The following ZNF182 variants were observed in gnomAD, a reference collection of about 807,000 sequenced individuals.
ZNF182 encodes the protein zinc finger protein 182.
In ZNF182, 10 loss-of-function variants were observed where a neutral mutation model predicts 28.1. The ratio of observed to expected loss-of-function variants is 0.36; its 90% CI spans 0.22 to 0.60. The LOEUF is 0.60. Ranked by LOEUF, ZNF182 falls within the 20% of genes least tolerant of loss-of-function variation. The pLI is 0.75. For missense variants in ZNF182, 352 were observed against 453.2 expected (o/e 0.78, Z 2.03); for synonymous variants, 156 against 158.7 (o/e 0.98, Z 0.13).
intron 3 of ZNF182, among the ~76,000 whole-genome samples, chrX:47,997,800 G>T (rs1388774400): frequency 9.0e-6 from 1 of 110,822 alleles, no homozygotes; most frequent in Non-Finnish European, 1.9e-5. Flanking sequence ...TCAAAAAAAA[G>T]AATTAATTAA....
At chrX:47,982,838 G>C (rs1217755497) in intron 5 of ZNF182, 111 bp downstream of exon 5, 2 of 713,980 alleles carry the variant, frequency 2.8e-6, no homozygotes, top group African/African-American at 4.2e-5. Context: ...ACAGTGCCAA[G>C]GGCCAGAACC....
chrX:47,990,790 AC>A (rs1310418763), intron 3 of ZNF182, among the ~76,000 whole-genome samples: 1 of 112,050 alleles, frequency 8.9e-6, no homozygotes, highest in African/African-American at 3.2e-5. Context: ...TGACAGCATG[AC>A]CTTGTTAAGC....
chrX:47,992,579 C>A (rs934049247), intron 3 of ZNF182, among the ~76,000 whole-genome samples: 1 of 111,057 alleles, frequency 9.0e-6, no homozygotes, highest in Non-Finnish European at 1.9e-5. Flanking sequence ...AGGCTTCACC[C>A]CACAGGTCTG....
intron 5 of ZNF182, among the ~76,000 whole-genome samples, chrX:47,979,095 T>C (rs937153814): frequency 4.5e-5 from 5 of 112,095 alleles, no homozygotes; most frequent in Non-Finnish European, 7.5e-5. Flanking sequence ...TTCTTACTTT[T>C]CCCCAAATTT....
chrX:47,997,943 CTT>C (rs1277454054), intron 3 of ZNF182, among the ~76,000 whole-genome samples: 1 of 111,815 alleles, frequency 8.9e-6, no homozygotes, highest in African/African-American at 3.3e-5. Context: ...ACTCAATACT[CTT>C]TTCTCAGTAA....
In ZNF182 at chrX:48,003,507, C is replaced by T. The variant is rs1556902166; in HGVS notation, c.-45+1G>A. 8.9e-6 allele frequency: 1 copy of T among 111,844 alleles called. No individual in the cohort carries two copies. The highest frequency in any genetic ancestry group is 1.9e-5 in the Non-Finnish European group (1 of 53,164). 9.2% of individuals were successfully genotyped at this position (111,844 alleles called of 1,213,427 possible). A position where few individuals can be genotyped will look rare whatever the true frequency, so the allele number is the denominator to read the frequency against. On this transcript the variant is annotated splice_donor_variant, in intron 2 of 5. Transcript: ENST00000376943. LOFTEE classifies it low-confidence loss of function (5UTR_SPLICE). ...AGGTGCCTCTCCTTCCTTCTGCTCA[C>T]CTCACCGGGGCCGCCTTGCCCAGAA...
Position 47,976,812 on chromosome X carries a change from T to C in ZNF182, c.1218A>G (p.Thr406=). The change falls in exon 6 of 6, where the codon ACA becomes ACG. Residue 406 remains threonine (T), a synonymous_variant. Transcript: ENST00000376943. Reference sequence around the variant, plus strand: ...CATCACATTCATAGGGTTTCTCTCCTGTATGAGTTCTTTGATGCACAATGA... The same window carrying C: ...CATCACATTCATAGGGTTTCTCTCCCGTATGAGTTCTTTGATGCACAATGA... The part of the protein sequence containing the change: ...STLIVHQRTH[T]GEKPYECDVC... 1 of 1,210,698 alleles carries C rather than the reference T, an allele frequency of 8.3e-7. No homozygotes were observed. Among genetic ancestry groups the C allele is most frequent in the Non-Finnish European group, 1.1e-6 (1 of 895,076 alleles).
intron 3 of ZNF182, among the ~76,000 whole-genome samples, chrX:47,993,768 A>G (rs886116858): frequency 8.9e-6 from 1 of 111,777 alleles, no homozygotes; most frequent in Non-Finnish European, 1.9e-5. Context: ...TCAATAGTTT[A>G]GTGGTGATGA....
chrX:47,990,828 C>T (rs2146467514), intron 3 of ZNF182, among the ~76,000 whole-genome samples: 1 of 111,683 alleles, frequency 9.0e-6, no homozygotes, highest in South Asian at 3.8e-4. Flanking sequence ...TTGGCAAGTC[C>T]TGTTAAAAAT....
rs1230662541 is a variant in ZNF182 at position 47,976,105 on chromosome X, A to G, written c.*62T>C. 1.3e-5 allele frequency: 13 copies of G among 1,019,355 alleles called. No individual in the cohort carries two copies. In the Admixed American group the frequency reaches 4.6e-4, roughly 36 times the overall value. The allele number at this position is 1,019,355 out of a possible 1,213,427, so 84.0% of individuals were successfully genotyped here. ...CCACAAGTCAAAATATACTTTTAAA[A>G]TGTGAGTAAAATTGACACAACTTTC... On this transcript the variant is annotated 3_prime_UTR_variant, in exon 6 of 6. Coordinates refer to ENST00000376943, the MANE Select transcript of ZNF182 (RefSeq NM_001007088.2).
chrX:47,991,922 G>A (rs982785477), intron 3 of ZNF182, among the ~76,000 whole-genome samples: 2 of 111,625 alleles, frequency 1.8e-5, no homozygotes, highest in Non-Finnish European at 3.8e-5. Flanking sequence ...ACCAGCAAAG[G>A]AGATTAATCT....
intron 3 of ZNF182, among the ~76,000 whole-genome samples, chrX:47,999,331 G>A: frequency 1.0e-5 from 1 of 100,399 alleles, no homozygotes; most frequent in Non-Finnish European, 2.0e-5. Context: ...AATGAGCCAA[G>A]CAGCCTGGGT....
chrX:47,978,629 G>T (rs1263828262), intron 5 of ZNF182, among the ~76,000 whole-genome samples: 2 of 112,047 alleles, frequency 1.8e-5, no homozygotes, highest in Non-Finnish European at 3.8e-5. Flanking sequence ...CTGCCTATAC[G>T]ATTTCCACTA....
chrX:47,998,872 A>G (rs989242793), intron 3 of ZNF182, among the ~76,000 whole-genome samples: 37 of 110,513 alleles, frequency 3.3e-4, no homozygotes, highest in Admixed American at 2.5e-3. Context: ...AAAAAAAAAA[A>G]AGAATCACCA....
Position 47,975,790 on chromosome X carries a change from G to A in ZNF182, c.*377C>T, listed in dbSNP as rs908238866. ...AACATCCTACCTCCTACCTGCCCACGCACTGTTACCACTGTTATATCTATG... is the reference window on the plus strand; with the variant it reads ...AACATCCTACCTCCTACCTGCCCACACACTGTTACCACTGTTATATCTATG... On this transcript the variant is annotated 3_prime_UTR_variant, in exon 6 of 6. Coordinates refer to ENST00000376943, the MANE Select transcript of ZNF182 (RefSeq NM_001007088.2). The A allele has an allele frequency of 4.6e-5, 6 of 131,095 alleles. No homozygotes were observed. The highest frequency in any genetic ancestry group is 4.3e-4 in the East Asian group (2 of 4,653). 10.8% of individuals were successfully genotyped at this position (131,095 alleles called of 1,213,427 possible).
At chrX:47,995,070 G>A (rs1295404192) in intron 3 of ZNF182, among the ~76,000 whole-genome samples, 3 of 108,628 alleles carry the variant, frequency 2.8e-5, no homozygotes, top group East Asian at 3.0e-4. Context: ...GGTGGCTCAC[G>A]CCTGTAATCC....
chrX:47,983,396 C>T lies in ZNF182; in HGVS notation c.31G>A (p.Glu11Lys). MAKPQGLVTFEDVAVDFTQEE... is the reference protein window; with the variant it reads MAKPQGLVTFKDVAVDFTQEE... ...TGGGTGAAATCCACAGCTACATCTT[C>T]AAATGTCACTAGCCCCTGTAATGGT... Residue 11 changes from glutamate to lysine, a missense_variant, in exon 4 of 6, where the codon GAA becomes AAA. Coordinates refer to ENST00000376943, the MANE Select transcript of ZNF182 (RefSeq NM_001007088.2). The T allele has an allele frequency of 8.3e-7, 1 of 1,208,995 alleles. No individual in the cohort carries two copies. The highest frequency in any genetic ancestry group is 1.1e-6 in the Non-Finnish European group (1 of 894,422).
At chrX:47,997,291 C>T (rs2058962104) in intron 3 of ZNF182, among the ~76,000 whole-genome samples, 1 of 104,636 alleles carries the variant, frequency 9.6e-6, no homozygotes, top group East Asian at 3.0e-4. Flanking sequence ...TGCACTCCAG[C>T]CTGGGTGAGA....
chrX:47,981,421 A>G (rs1288002241), intron 5 of ZNF182, among the ~76,000 whole-genome samples: 2 of 112,640 alleles, frequency 1.8e-5, no homozygotes, highest in Non-Finnish European at 3.7e-5. Context: ...GTATACAGCC[A>G]TAAGTCCATA....
Sources: allele counts gnomAD v4.1 joint callset (sites outside exome capture counted in the v4.1 genomes callset), GRCh38; gene constraint gnomAD v4.1.1; transcripts MANE v1.5; gene names NCBI Gene and HGNC (gene_info 2026-07-23, HGNC 2026-07-21).